The following ATL1 variants were observed in gnomAD, a reference collection of about 807,000 sequenced individuals.
ATL1 encodes the protein atlastin-1.
In ATL1, 31 loss-of-function variants were observed where a neutral mutation model predicts 75.5. That is an observed-to-expected ratio of 0.41 (90% CI 0.31 to 0.55). ATL1 has a LOEUF of 0.55. Ranked by LOEUF, ATL1 falls within the 20% of genes least tolerant of loss-of-function variation. The probability of loss-of-function intolerance (pLI) is 0.27; values close to 1 mark genes in which losing one functional copy is unlikely to be tolerated. For synonymous variants in ATL1, 226 were observed against 233.3 expected (o/e 0.97, Z 0.28); for missense variants, 405 against 662.6 (o/e 0.61, Z 4.27).
intron 6 of ATL1, among the ~76,000 whole-genome samples, chr14:50,595,885 C>CTT (rs72247480): frequency 6.8e-6 from 1 of 147,658 alleles, no homozygotes; most frequent in Non-Finnish European, 1.5e-5. Flanking sequence ...AAAATGTCAG[C>CTT]TTTTTTTTTT....
chr14:50,557,544 C>T (rs1236000378), upstream of ATL1, among the ~76,000 whole-genome samples: 2 of 152,156 alleles, frequency 1.3e-5, no homozygotes, highest in Admixed American at 6.5e-5. Flanking sequence ...ACCTACATAA[C>T]ATTCTATTGC....
chr14:50,570,951 G>A (rs755316069), intron 1 of ATL1, among the ~76,000 whole-genome samples: 20 of 152,154 alleles, frequency 1.3e-4, no homozygotes, highest in Non-Finnish European at 2.4e-4. Flanking sequence ...GGTCTTTTCT[G>A]AGCCTGTGCC....
chr14:50,611,058 T>A (rs1261387508), intron 6 of ATL1, among the ~76,000 whole-genome samples: 1 of 151,998 alleles, frequency 6.6e-6, no homozygotes, highest in Non-Finnish European at 1.5e-5. Flanking sequence ...ATAGCTGTCT[T>A]GAAAAACTGA....
intron 1 of ATL1, among the ~76,000 whole-genome samples, chr14:50,537,046 C>T (rs538813969): frequency 4.6e-5 from 7 of 152,304 alleles, no homozygotes; most frequent in South Asian, 4.1e-4. Flanking sequence ...GCCTTCAGGG[C>T]GTGTCAGAGG....
Position 50,562,686 on chromosome 14 carries a change from G to A in ATL1, c.34+2387G>A, listed in dbSNP as rs867779305. ...AAAGAAATACTAGAATCACTATAGT[G>A]TTTACTGGAAATTATTATAGAAAAG... is the stretch of plus-strand genomic sequence containing the variant. On this transcript the variant is annotated intron_variant, in intron 1 of 13. Coordinates refer to ENST00000358385, the MANE Select transcript of ATL1 (RefSeq NM_015915.5). Among the ~76,000 whole-genome samples, 10 of 152,162 alleles carry A rather than the reference G, an allele frequency of 6.6e-5. No homozygotes were observed. In the South Asian group the frequency reaches 2.1e-3, roughly 31 times the overall value.
chr14:50,564,023 G>T (rs2038877201), intron 1 of ATL1, among the ~76,000 whole-genome samples: 1 of 152,074 alleles, frequency 6.6e-6, no homozygotes, highest in South Asian at 2.1e-4. Context: ...ACAAGGAATA[G>T]TATGCCAAAA....
At chr14:50,613,149 T>C (rs2039381697) in intron 6 of ATL1, 110 bp from the exon 7 acceptor site, 1 of 840,776 alleles carries the variant, frequency 1.2e-6, no homozygotes, top group Non-Finnish European at 2.0e-6. Flanking sequence ...AATTCAGCAA[T>C]GTGGGAAAGA....
Position 50,628,620 on chromosome 14 carries a change from T to C in ATL1, c.1551+158T>C, listed in dbSNP as rs74414971. The C allele has an allele frequency of 2.6e-3, 1,986 of 755,864 alleles. 24 individuals carry two copies. In the African/African-American group the frequency reaches 0.03, roughly 11 times the overall value. 46.8% of individuals were successfully genotyped at this position (755,864 alleles called of 1,614,324 possible). A position where few individuals can be genotyped will look rare whatever the true frequency, so the allele number is the denominator to read the frequency against. On this transcript the variant is annotated intron_variant, in intron 12 of 13. Transcript: ENST00000358385. Reference sequence around the variant, plus strand: ...GCCCAGATACAAGCAACTAACTATATAATACTGTGTAAAATGTGAAGTCCT... The same window carrying C: ...GCCCAGATACAAGCAACTAACTATACAATACTGTGTAAAATGTGAAGTCCT...
intron 1 of ATL1, among the ~76,000 whole-genome samples, chr14:50,568,868 A>G (rs891043098): frequency 2.0e-5 from 3 of 151,954 alleles, no homozygotes; most frequent in Non-Finnish European, 4.4e-5. Context: ...TGTGGTTACC[A>G]TGGAGATTAC....
At chr14:50,622,083 G>C (rs564335318) in intron 10 of ATL1, among the ~76,000 whole-genome samples, 184 bp downstream of exon 10, 26 of 152,300 alleles carry the variant, frequency 1.7e-4, no homozygotes, top group Admixed American at 1.6e-3. Flanking sequence ...AGCCTCACTT[G>C]TGTTGAGACA....
chr14:50,545,348 A>G (rs2038617499), intron 1 of ATL1, among the ~76,000 whole-genome samples: 1 of 152,160 alleles, frequency 6.6e-6, no homozygotes, highest in African/African-American at 2.4e-5. Context: ...ATTCTATAAA[A>G]TCCTGGGCTT....
At chr14:50,544,688 C>G (rs2140150719) in intron 1 of ATL1, among the ~76,000 whole-genome samples, 1 of 152,114 alleles carries the variant, frequency 6.6e-6, no homozygotes, top group Non-Finnish European at 1.5e-5. Flanking sequence ...AATCTCAGAG[C>G]TTTGGGAGGC....
At chr14:50,536,170 C>T (rs925464081) in intron 1 of ATL1, among the ~76,000 whole-genome samples, 5 of 152,208 alleles carry the variant, frequency 3.3e-5, no homozygotes, top group Non-Finnish European at 7.3e-5. Context: ...TGAGGTCTGG[C>T]GCCATGGCCC....
chr14:50,560,440 C>T (rs1475830031), intron 1 of ATL1, 141 bp downstream of exon 1: 1 of 1,150,852 alleles, frequency 8.7e-7, no homozygotes, highest in African/African-American at 1.5e-5. Flanking sequence ...CGAGCCGCTC[C>T]CTGTTTGGGC....
At chr14:50,594,379 G>A (rs1003758660) in intron 5 of ATL1, among the ~76,000 whole-genome samples, 2 of 152,070 alleles carry the variant, frequency 1.3e-5, no homozygotes, top group South Asian at 2.1e-4. Context: ...AGATTTGGGC[G>A]GGGACACAAA....
chr14:50,595,282 G>T (rs2039203413), intron 5 of ATL1, among the ~76,000 whole-genome samples: 1 of 151,822 alleles, frequency 6.6e-6, no homozygotes, highest in African/African-American at 2.4e-5. Flanking sequence ...GATATAAAAA[G>T]TGTTCATTTT....
At chr14:50,540,588 T>A (rs2038548548) in intron 1 of ATL1, among the ~76,000 whole-genome samples, 1 of 152,162 alleles carries the variant, frequency 6.6e-6, no homozygotes, top group African/African-American at 2.4e-5. Context: ...GGAGGTTAAT[T>A]GATATTAGCT....
intron 1 of ATL1, among the ~76,000 whole-genome samples, chr14:50,565,985 G>GTTTTGTTTTGTTTTC (rs2038899716): frequency 6.6e-6 from 1 of 151,862 alleles, no homozygotes; most frequent in Non-Finnish European, 1.5e-5. Flanking sequence ...AGGACAACCT[G>GTTTTGTTTTGTTTTC]TTTTGTTTTG....
intron 1 of ATL1, among the ~76,000 whole-genome samples, chr14:50,534,082 T>C (rs1160532034): frequency 6.6e-6 from 1 of 152,248 alleles, no homozygotes; most frequent in Non-Finnish European, 1.5e-5. Context: ...AAATGTTCTA[T>C]TGGTATCTTA....
Sources: gnomAD v4.1 joint callset for allele counts (sites outside exome capture counted in the v4.1 genomes callset) on GRCh38, gnomAD v4.1.1 for gene constraint, MANE v1.5 for transcripts, NCBI Gene and HGNC (gene_info 2026-07-23, HGNC 2026-07-21) for gene names.